TPTE: variants seen among roughly 807,000 people sequenced by gnomAD.
TPTE encodes the protein transmembrane phosphatase with tensin homology.
Under a neutral mutation model 84.1 loss-of-function variants are expected in TPTE, and 59 were observed. The observed-to-expected ratio is 0.70, with a 90% confidence interval of 0.57 to 0.87. The LOEUF (loss-of-function observed/expected upper bound fraction) is 0.87, where lower values mean the gene tolerates loss of function less well. Among genes scored for constraint, TPTE ranks in the 40% least tolerant of loss-of-function variants. TPTE has a pLI of 0.00. For missense variants in TPTE, 382 were observed against 659.6 expected (o/e 0.58, Z 4.61); for synonymous variants, 130 against 223.5 (o/e 0.58, Z 3.73).
chr21:10,599,281 C>T (rs1192391881), intron 21 of TPTE, among the ~76,000 whole-genome samples: 3 of 152,310 alleles, frequency 2.0e-5, no homozygotes, highest in Non-Finnish European at 4.4e-5. Flanking sequence ...TTCTCACTGC[C>T]ACTAATTGTC....
chr21:10,583,569 G>A (rs1336392601), intron 17 of TPTE, among the ~76,000 whole-genome samples: 9 of 152,406 alleles, frequency 5.9e-5, no homozygotes, highest in African/African-American at 2.2e-4. Flanking sequence ...GTTAACAGAA[G>A]TTCTTAGTTG....
intron 3 of TPTE, 101 bp from the exon 4 acceptor site, chr21:10,538,580 C>G: frequency 7.1e-6 from 11 of 1,557,992 alleles, no homozygotes; most frequent in Non-Finnish European, 9.7e-6. Context: ...ATAGTCAGAA[C>G]TTAACTGGTT....
chr21:10,540,617 C>CTCTACCGT (rs1276860570), intron 4 of TPTE: 21 of 518,358 alleles, frequency 4.1e-5, no homozygotes, highest in Non-Finnish European at 7.7e-5. Flanking sequence ...CCCTCCAGAG[C>CTCTACCGT]TCTACCGTTA....
chr21:10,582,225 GTGT>G (rs1317504986), intron 17 of TPTE, among the ~76,000 whole-genome samples: 95 of 152,288 alleles, frequency 6.2e-4, no homozygotes, highest in African/African-American at 2.2e-3. Context: ...GTTGGGGGAA[GTGT>G]TTTTTTCATA....
chr21:10,600,799 C>G (rs1361181550), intron 21 of TPTE, among the ~76,000 whole-genome samples: 1 of 152,306 alleles, frequency 6.6e-6, no homozygotes, highest in African/African-American at 2.4e-5. Context: ...AGTCAAAGAA[C>G]TAGTACAGCG....
intron 10 of TPTE, among the ~76,000 whole-genome samples, chr21:10,563,988 T>C (rs1190603048): frequency 2.0e-5 from 3 of 152,308 alleles, no homozygotes; most frequent in South Asian, 2.1e-4. Context: ...ACCCTGTCTT[T>C]ACTAAAAATG....
At chr21:10,595,454 A>T (rs1259223488) in intron 19 of TPTE, among the ~76,000 whole-genome samples, 1 of 152,312 alleles carries the variant, frequency 6.6e-6, no homozygotes, top group Non-Finnish European at 1.5e-5. Context: ...GACAAGGCTA[A>T]GACAATTTCA....
At chr21:10,552,515 A>C in intron 7 of TPTE, 142 bp from the exon 8 acceptor site, 1 of 1,378,746 alleles carries the variant, frequency 7.3e-7, no homozygotes, top group Non-Finnish European at 9.8e-7. Context: ...TCTCTTAAAT[A>C]TTAGGTCTTC....
At chr21:10,539,933 C>A (rs1420024687) in intron 4 of TPTE, among the ~76,000 whole-genome samples, 3 of 152,302 alleles carry the variant, frequency 2.0e-5, no homozygotes, top group Admixed American at 6.5e-5. Context: ...TGCTTGAACC[C>A]GGGAGGCAGA....
intron 10 of TPTE, among the ~76,000 whole-genome samples, chr21:10,563,323 C>G (rs1014219543): frequency 6.6e-6 from 1 of 152,312 alleles, no homozygotes; most frequent in Non-Finnish European, 1.5e-5. Flanking sequence ...GTATAAAACT[C>G]ACTGGTAATA....
intron 9 of TPTE, among the ~76,000 whole-genome samples, chr21:10,560,233 G>A (rs1251396035): frequency 1.3e-5 from 2 of 152,294 alleles, no homozygotes; most frequent in African/African-American, 4.8e-5. Flanking sequence ...TTATACATCA[G>A]GAATTACTCT....
At chr21:10,533,508 A>G (rs2074214452) in intron 3 of TPTE, among the ~76,000 whole-genome samples, 1 of 152,308 alleles carries the variant, frequency 6.6e-6, no homozygotes, top group East Asian at 1.9e-4. Flanking sequence ...GTGAACTCAG[A>G]TTTTTTGTGG....
intron 7 of TPTE, among the ~76,000 whole-genome samples, chr21:10,545,821 C>G (rs2074456313): frequency 6.6e-6 from 1 of 151,600 alleles, no homozygotes; most frequent in African/African-American, 2.4e-5. Context: ...GTATATATAT[C>G]TATATATACA....
At chr21:10,523,296 A>G (rs1406090046) in intron 1 of TPTE, among the ~76,000 whole-genome samples, 1 of 138,854 alleles carries the variant, frequency 7.2e-6, no homozygotes, top group Non-Finnish European at 1.6e-5. Flanking sequence ...TATGTATGGC[A>G]GAACAGTATT....
chr21:10,537,299 ATATATATAT>A (rs1338604292), intron 3 of TPTE, among the ~76,000 whole-genome samples: 2 of 152,292 alleles, frequency 1.3e-5, no homozygotes, highest in African/African-American at 4.8e-5. Flanking sequence ...TGGACGATAC[ATATATATAT>A]TTAAATTCTG....
chr21:10,540,022 C>T (rs2074338775), intron 4 of TPTE, among the ~76,000 whole-genome samples: 1 of 152,404 alleles, frequency 6.6e-6, no homozygotes, highest in South Asian at 2.1e-4. Flanking sequence ...AAACCAAAAA[C>T]AACAACAACA....
At chr21:10,523,986 C>A (rs1189554633) in intron 1 of TPTE, among the ~76,000 whole-genome samples, 2 of 152,312 alleles carry the variant, frequency 1.3e-5, no homozygotes, top group Admixed American at 6.5e-5. Context: ...TAATGATTGC[C>A]ATTTTCAAAG....
chr21:10,581,426 C>CATT (rs1306254879), intron 17 of TPTE, among the ~76,000 whole-genome samples: 543 of 151,366 alleles, frequency 3.6e-3, no homozygotes, highest in Non-Finnish European at 5.4e-3. Context: ...AGAGGGTTTA[C>CATT]ATTATTCTGT....
At chr21:10,580,411 T>C (rs1174383460) in intron 17 of TPTE, among the ~76,000 whole-genome samples, 1 of 152,308 alleles carries the variant, frequency 6.6e-6, no homozygotes, top group Non-Finnish European at 1.5e-5. Context: ...TTCAGTCATA[T>C]CCAAAAATAT....
Sources: allele counts gnomAD v4.1 joint callset (sites outside exome capture counted in the v4.1 genomes callset), GRCh38; gene constraint gnomAD v4.1.1; transcripts MANE v1.5; gene names NCBI Gene and HGNC (gene_info 2026-07-23, HGNC 2026-07-21).